Variants in UNC79 observed in about 807,000 individuals in gnomAD.
The protein encoded by UNC79 is unc-79 subunit of NALCN channel complex.
UNC79 carries 37 observed loss-of-function variants against 283.1 expected under a neutral mutation model. The ratio of observed to expected loss-of-function variants is 0.13; its 90% CI spans 0.10 to 0.17. UNC79 has a LOEUF of 0.17. UNC79 is among the 10% of genes least tolerant of loss of function. UNC79 has a pLI of 1.00. For synonymous variants in UNC79, 1,107 were observed against 1,200.2 expected, an observed-to-expected ratio of 0.92 and a Z score of 1.61; for missense variants, 2,272 against 3,211.1, an observed-to-expected ratio of 0.71 and a Z score of 7.07.
chr14:93,399,893 T>G (rs1472511992), intron 1 of UNC79, among the ~76,000 whole-genome samples: 1 of 152,186 alleles, frequency 6.6e-6, no homozygotes, highest in Non-Finnish European at 1.5e-5. Context: ...TTAATGGTTA[T>G]CTGGGAAAAG....
intron 26 of UNC79, among the ~76,000 whole-genome samples, chr14:93,611,382 C>A (rs1488258697): frequency 2.0e-5 from 3 of 152,170 alleles, no homozygotes; most frequent in African/African-American, 7.2e-5. Flanking sequence ...CCCTTCTCAG[C>A]AGTTCACTTT....
At chr14:93,702,677 C>T (rs374613528) in intron 47 of UNC79, among the ~76,000 whole-genome samples, 5 of 151,150 alleles carry the variant, frequency 3.3e-5, no homozygotes, top group Admixed American at 1.3e-4. Context: ...AGCTCTCCTT[C>T]GTCTTTGGTT....
intron 1 of UNC79, among the ~76,000 whole-genome samples, chr14:93,371,901 G>C (rs796102041): frequency 6.6e-6 from 1 of 152,040 alleles, no homozygotes; most frequent in Non-Finnish European, 1.5e-5. Context: ...GATGATAGTG[G>C]AGTGAAATAT....
At chr14:93,397,365 G>A (rs938606917) in intron 1 of UNC79, 2 of 152,200 alleles carry the variant, frequency 1.3e-5, no homozygotes, top group Non-Finnish European at 2.9e-5. Context: ...CTGGAAGTGA[G>A]ATCTTCCAGG....
chr14:93,444,470 C>A (rs1115897), intron 1 of UNC79, among the ~76,000 whole-genome samples: 95,954 of 151,896 alleles, frequency 0.63, 30,975 homozygotes, highest in Middle Eastern at 0.77. Context: ...TTATCATTTG[C>A]ACTTTTGGTA....
intron 47 of UNC79, among the ~76,000 whole-genome samples, chr14:93,697,037 G>T (rs762580821): frequency 6.6e-6 from 1 of 152,046 alleles, no homozygotes; most frequent in African/African-American, 2.4e-5. Context: ...TACTTTCTCC[G>T]TCAAATTGCC....
chr14:93,625,420 C>A (rs1038142915), intron 30 of UNC79, among the ~76,000 whole-genome samples: 1 of 152,200 alleles, frequency 6.6e-6, no homozygotes, highest in Admixed American at 6.5e-5. Context: ...TTATTCCTGT[C>A]TTAATTCCTG....
intron 1 of UNC79, chr14:93,348,094 A>G: frequency 6.2e-7 from 1 of 1,609,312 alleles, no homozygotes; most frequent in Non-Finnish European, 8.5e-7. Context: ...TGTGCTAGGC[A>G]ACCTGAAGCA....
In UNC79 at chr14:93,430,828, G is replaced by A. The variant is rs1455795017; in HGVS notation, c.-202G>A. On this transcript the variant is annotated 5_prime_UTR_variant, in exon 1 of 49. Transcript: ENST00000555664. The surrounding 1 kb of genome is among the most constrained non-coding windows in gnomAD (Gnocchi z 4.6). ...AAATCCCACCCATTTCTCCGGGGGCGATTTCCTAACCTTCCGGGACCGAAT... is the reference window on the plus strand; with the variant it reads ...AAATCCCACCCATTTCTCCGGGGGCAATTTCCTAACCTTCCGGGACCGAAT... 4.0e-6 allele frequency: 2 copies of A among 496,198 alleles called. No individual in the cohort carries two copies. The highest frequency in any genetic ancestry group is 3.7e-6 in the Non-Finnish European group (1 of 273,590). 30.7% of individuals were successfully genotyped at this position (496,198 alleles called of 1,614,324 possible). A position where few individuals can be genotyped will look rare whatever the true frequency, so the allele number is the denominator to read the frequency against.
chr14:93,684,735 A>G (rs1353815640), intron 42 of UNC79, among the ~76,000 whole-genome samples: 2 of 152,190 alleles, frequency 1.3e-5, no homozygotes, highest in Non-Finnish European at 1.5e-5. Flanking sequence ...AATGATCTGT[A>G]TTTTCCAAAT....
In UNC79 at chr14:93,467,462, A is replaced by C. The variant is rs115855495; in HGVS notation, c.23-209A>C. Reference sequence around the variant, plus strand: ...AATTTTGTGTGCCGAATACAATTAAAAGAAATTAAAAGTTTTTTTGTAATT... The same window carrying C: ...AATTTTGTGTGCCGAATACAATTAACAGAAATTAAAAGTTTTTTTGTAATT... On this transcript the variant is annotated intron_variant, in intron 1 of 48. Transcript: ENST00000555664. Among the ~76,000 whole-genome samples, 1,463 of 151,846 alleles carry C rather than the reference A, an allele frequency of 9.6e-3. 26 individuals are homozygous for C. Among genetic ancestry groups the C allele is most frequent in the African/African-American group, 0.033 (1,384 of 41,388 alleles).
intron 30 of UNC79, among the ~76,000 whole-genome samples, chr14:93,630,155 G>A (rs2067905339): frequency 6.6e-6 from 1 of 152,204 alleles, no homozygotes; most frequent in Non-Finnish European, 1.5e-5. Context: ...AATTAATCAT[G>A]CATATTTATT....
At position 93,394,408 on chromosome 14, in the gene UNC79, T is replaced by TTTATTTTATC. The variant is rs1483499200; in HGVS notation, c.-351+60889_-351+60890insTTTATCTTAT. Among the ~76,000 whole-genome samples, 28 of 138,144 alleles carry TTTATTTTATC rather than the reference T, an allele frequency of 2.0e-4. No individual in the cohort carries two copies. In the East Asian group the frequency reaches 6.0e-3, roughly 30 times the overall value. 90.6% of individuals were successfully genotyped at this position (138,144 alleles called of 152,430 possible). ...TTTATTTTATTTTATTTTATTTTATTTTATCTTATTTATTTTTTTTGAGAC... is the reference window on the plus strand; with the variant it reads ...TTTATTTTATTTTATTTTATTTTATTTTATTTTATCTTATCTTATTTATTTTTTTTGAGAC... On this transcript the variant is annotated intron_variant, in intron 1 of 49. Transcript: ENST00000256339.
chr14:93,655,118 G>A (rs2070778973), intron 37 of UNC79, 116 bp from the exon 41 acceptor site: 1 of 1,122,666 alleles, frequency 8.9e-7, no homozygotes, highest in South Asian at 1.6e-5. Context: ...CTATGTAGTA[G>A]GCACTGAACA....
chr14:93,344,262 G>A (rs2053776600), intron 1 of UNC79, among the ~76,000 whole-genome samples: 1 of 152,066 alleles, frequency 6.6e-6, no homozygotes, highest in African/African-American at 2.4e-5. Flanking sequence ...ATTAAAAATG[G>A]GGTATTACCC....
At chr14:93,363,920 C>T (rs962891903) in intron 1 of UNC79, among the ~76,000 whole-genome samples, 4 of 152,042 alleles carry the variant, frequency 2.6e-5, no homozygotes, top group Non-Finnish European at 5.9e-5. Flanking sequence ...CAGGGTTTCA[C>T]CTTGTTAGCC....
chr14:93,379,915 C>T (rs2054633656), intron 1 of UNC79, among the ~76,000 whole-genome samples: 1 of 152,154 alleles, frequency 6.6e-6, no homozygotes, highest in Admixed American at 6.6e-5. Flanking sequence ...GGATTCAGGG[C>T]TTCTCAAATA....
At chr14:93,636,273 G>A (rs930337505) in intron 31 of UNC79, among the ~76,000 whole-genome samples, 1 of 152,082 alleles carries the variant, frequency 6.6e-6, no homozygotes, top group African/African-American at 2.4e-5. Context: ...CCATTTATAT[G>A]CTGTCTGAAT....
intron 4 of UNC79, 68 bp downstream of exon 4, chr14:93,477,796 T>C: frequency 6.8e-7 from 1 of 1,463,208 alleles, no homozygotes; most frequent in Non-Finnish European, 9.3e-7. Context: ...GCTTTTGCTG[T>C]TATAGGCTCT....
Sources: gnomAD v4.1 joint callset for allele counts (sites outside exome capture counted in the v4.1 genomes callset) on GRCh38, gnomAD v4.1.1 for gene constraint, Gnocchi (gnomAD v3.1) non-coding constraint, MANE v1.5 for transcripts, NCBI Gene and HGNC (gene_info 2026-07-23, HGNC 2026-07-21) for gene names.